The following LITAF variants were observed in gnomAD, a reference collection of about 807,000 sequenced individuals.
The protein encoded by LITAF is lipopolysaccharide induced TNF factor.
A neutral mutation model predicts 14.5 loss-of-function variants in LITAF; 9 were observed. The observed-to-expected ratio is 0.62, with a 90% CI of 0.37 to 1.08. The LOEUF (loss-of-function observed/expected upper bound fraction) is 1.08, where lower values mean the gene tolerates loss of function less well. LITAF is among the 50% of genes least tolerant of loss of function. LITAF has a pLI of 0.01. For missense variants in LITAF, 206 were observed against 213.4 expected (o/e 0.97, Z 0.22); for synonymous variants, 98 against 88.2 (o/e 1.11, Z -0.62).
intron 3 of LITAF, among the ~76,000 whole-genome samples, chr16:11,612,483 T>C (rs937938044): frequency 6.6e-6 from 1 of 152,166 alleles, no homozygotes; most frequent in Non-Finnish European, 1.5e-5. Flanking sequence ...CAGGTTTCTG[T>C]GGGAACGGCT....
At chr16:11,560,547 C>T (rs2064345136) in intron 1 of LITAF, among the ~76,000 whole-genome samples, 1 of 150,260 alleles carries the variant, frequency 6.7e-6, no homozygotes. Flanking sequence ...CACACCACTG[C>T]ACTCCAGCCT....
intron 3 of LITAF, among the ~76,000 whole-genome samples, chr16:11,616,133 C>T (rs1024734938): frequency 1.3e-5 from 2 of 152,128 alleles, no homozygotes; most frequent in African/African-American, 4.8e-5. Context: ...CCCTTCCAGA[C>T]CCCACCCTAT....
intron 3 of LITAF, among the ~76,000 whole-genome samples, chr16:11,617,633 G>A (rs2065026733): frequency 2.0e-5 from 3 of 151,326 alleles, no homozygotes; most frequent in Admixed American, 6.6e-5. Flanking sequence ...CACCATATTG[G>A]CCAGACTGGT....
intron 1 of LITAF, among the ~76,000 whole-genome samples, chr16:11,564,163 G>A (rs1053642920): frequency 1.3e-5 from 2 of 152,064 alleles, no homozygotes; most frequent in Non-Finnish European, 2.9e-5. Flanking sequence ...ACTCACCTCA[G>A]CCTCCCAAAA....
At chr16:11,585,411 T>C (rs1412612418) in intron 1 of LITAF, among the ~76,000 whole-genome samples, 2 of 152,102 alleles carry the variant, frequency 1.3e-5, no homozygotes, top group Non-Finnish European at 2.9e-5. Flanking sequence ...TACAATTAAA[T>C]GTTTCTTAGA....
chr16:11,631,185 G>A (rs1418957914), intron 3 of LITAF, among the ~76,000 whole-genome samples: 2 of 152,158 alleles, frequency 1.3e-5, no homozygotes, highest in South Asian at 2.1e-4. Context: ...GTGAGCTATC[G>A]GTGTCCTGTG....
intron 1 of LITAF, among the ~76,000 whole-genome samples, chr16:11,578,541 A>G (rs901254735): frequency 2.6e-5 from 4 of 152,176 alleles, no homozygotes; most frequent in African/African-American, 4.8e-5. Context: ...ATGAAAAGGG[A>G]AAGACAGTAA....
upstream of LITAF, among the ~76,000 whole-genome samples, chr16:11,598,883 A>T (rs567635681): frequency 5.3e-5 from 8 of 151,534 alleles, no homozygotes; most frequent in African/African-American, 1.9e-4. Flanking sequence ...GCAGTGGCGC[A>T]ATCTCGGCTC....
intron 1 of LITAF, among the ~76,000 whole-genome samples, chr16:11,585,515 C>T (rs1378705307): frequency 1.3e-5 from 2 of 152,124 alleles, no homozygotes; most frequent in South Asian, 4.1e-4. Flanking sequence ...TAAAGCAAGT[C>T]ACACGCCATC....
chr16:11,574,242 A>G (rs778236056), intron 1 of LITAF, among the ~76,000 whole-genome samples: 14 of 151,736 alleles, frequency 9.2e-5, no homozygotes, highest in Non-Finnish European at 1.6e-4. Context: ...GGGTCTCAGT[A>G]TGTTGACCAA....
rs749859261 is a variant in LITAF, at chr16:11,553,484, C to T, written c.377+49G>A. The stretch of plus-strand genomic sequence containing the variant: ...GTTGAGAACCCACCCCCGCCAGCAC[C>T]CAGAGAGAAGGGCAGGATGGCTTGG... On this transcript the variant is annotated intron_variant, in intron 3 of 3. Transcript: ENST00000622633. This position sits in a 1 kb window ranked among gnomAD's most constrained non-coding sequence, Gnocchi z 7.7. 12 of 1,608,500 alleles carry T rather than the reference C, an allele frequency of 7.5e-6. No homozygotes were observed. The highest frequency in any genetic ancestry group is 9.3e-6 in the Non-Finnish European group (11 of 1,176,782).
In LITAF at chr16:11,549,568, G is replaced by T; in HGVS notation, c.*69C>A. The T allele has an allele frequency of 2.6e-6, 3 of 1,168,228 alleles. No homozygotes were observed. The highest frequency in any genetic ancestry group is 1.3e-6 in the Non-Finnish European group (1 of 794,240). 72.4% of individuals were successfully genotyped at this position (1,168,228 alleles called of 1,614,324 possible). ...ACCACCAGGGCAGAACCTCCACCAG[G>T]CGTGAAGCTGGATGAGAGGTGGAAA... On this transcript the variant is annotated 3_prime_UTR_variant, in exon 4 of 4. Coordinates refer to ENST00000622633, the MANE Select transcript of LITAF (RefSeq NM_001136472.2). This position sits in a 1 kb window ranked among gnomAD's most constrained non-coding sequence, Gnocchi z 4.6.
intron 3 of LITAF, among the ~76,000 whole-genome samples, chr16:11,628,165 T>A (rs987808055): frequency 6.6e-6 from 1 of 151,964 alleles, no homozygotes. Context: ...AATACCCAAA[T>A]AAGACCTGGT....
At chr16:11,581,578 C>G (rs544444994) in intron 1 of LITAF, among the ~76,000 whole-genome samples, 1 of 152,176 alleles carries the variant, frequency 6.6e-6, no homozygotes, top group East Asian at 1.9e-4. Context: ...GTGATCACGC[C>G]ACTGTACTCC....
upstream of LITAF, among the ~76,000 whole-genome samples, chr16:11,600,739 C>A (rs905414120): frequency 1.3e-5 from 2 of 152,184 alleles, no homozygotes; most frequent in Non-Finnish European, 2.9e-5. The surrounding 1 kb of genome is among the most constrained non-coding windows in gnomAD (Gnocchi z 4.1). Context: ...AGACCCCAGA[C>A]CCAACCACAG....
rs745489692 is a variant in LITAF, at chr16:11,608,414, T to C, written c.85+25119A>G. ...AAATCCCAGCATGAGCAAAAGCCCG[T>C]AGGCAGGAATTTGAGCAGCTTGCTT... On this transcript the variant is annotated intron_variant, in intron 3 of 3. Coordinates refer to the LITAF transcript ENST00000574848. Among the ~76,000 whole-genome samples the C allele has an allele frequency of 3.3e-5, 5 of 152,242 alleles. No individual in the cohort carries two copies. The East Asian group carries it at 5.8e-4, about 18-fold the overall frequency.
At chr16:11,618,886 G>A (rs1186371287) in intron 3 of LITAF, among the ~76,000 whole-genome samples, 1 of 152,098 alleles carries the variant, frequency 6.6e-6, no homozygotes, top group African/African-American at 2.4e-5. Context: ...AGGAGGCTGA[G>A]GCAGGAGAAT....
At chr16:11,613,987 G>C (rs1043016370) in intron 3 of LITAF, among the ~76,000 whole-genome samples, 1 of 152,134 alleles carries the variant, frequency 6.6e-6, no homozygotes, top group Non-Finnish European at 1.5e-5. Context: ...CCTGAGATTT[G>C]GACACTTGCA....
intron 3 of LITAF, among the ~76,000 whole-genome samples, chr16:11,551,371 G>GT (rs1567234156): frequency 6.6e-6 from 1 of 152,084 alleles, no homozygotes; most frequent in African/African-American, 2.4e-5. Context: ...CCGCACCCCC[G>GT]TCTACAGATG....
Sources: allele counts gnomAD v4.1 joint callset (sites outside exome capture counted in the v4.1 genomes callset), GRCh38; gene constraint gnomAD v4.1.1; non-coding constraint Gnocchi (gnomAD v3.1); transcripts MANE v1.5; gene names NCBI Gene and HGNC (gene_info 2026-07-23, HGNC 2026-07-21).